BAZ1A: variants seen among roughly 807,000 people sequenced by gnomAD.
BAZ1A encodes the protein bromodomain adjacent to zinc finger domain protein 1A.
Under a neutral mutation model 185.2 loss-of-function variants are expected in BAZ1A, and 50 were observed. The ratio of observed to expected loss-of-function variants is 0.27; its 90% confidence interval spans 0.22 to 0.34. The LOEUF is 0.34. Ranked by LOEUF, BAZ1A falls within the 10% of genes least tolerant of loss-of-function variation. The pLI, the probability that BAZ1A is intolerant of heterozygous loss-of-function variation, is 1.00. For missense variants in BAZ1A, 1,356 were observed against 1,839.9 expected, an observed-to-expected ratio of 0.74 and a Z score of 4.81; for synonymous variants, 571 against 615.6, an observed-to-expected ratio of 0.93 and a Z score of 1.07.
At chr14:34,795,483 A>G (rs1246408452) in intron 10 of BAZ1A, among the ~76,000 whole-genome samples, 187 bp downstream of exon 10, 1 of 152,228 alleles carries the variant, frequency 6.6e-6, no homozygotes, top group Non-Finnish European at 1.5e-5. Context: ...TCATTATCAA[A>G]GCTGATTATA....
intron 3 of BAZ1A, among the ~76,000 whole-genome samples, chr14:34,858,317 G>A (rs536751141): frequency 6.6e-6 from 1 of 152,178 alleles, no homozygotes; most frequent in East Asian, 1.9e-4. Context: ...GAGTGCAGTG[G>A]CGTGATCTCG....
chr14:34,840,796 CAAAA>C (rs1270123849), intron 3 of BAZ1A, among the ~76,000 whole-genome samples: 1 of 132,658 alleles, frequency 7.5e-6, no homozygotes, highest in Non-Finnish European at 1.7e-5. Context: ...AACAAACAAA[CAAAA>C]AACTTATACT....
At chr14:34,761,730 G>A (rs866692715) in intron 24 of BAZ1A, 27 bp downstream of exon 24, 2 of 1,543,856 alleles carry the variant, frequency 1.3e-6, no homozygotes, top group Admixed American at 1.9e-5. Flanking sequence ...TTTTCCTAGG[G>A]AAGGAAGAGT....
At chr14:34,759,991 A>G (rs1886453285) in intron 24 of BAZ1A, among the ~76,000 whole-genome samples, 1 of 152,052 alleles carries the variant, frequency 6.6e-6, no homozygotes. Context: ...CTTAATTTTA[A>G]TATCTAGATA....
chr14:34,809,672 A>C (rs1377026182), intron 5 of BAZ1A, among the ~76,000 whole-genome samples: 2 of 152,172 alleles, frequency 1.3e-5, no homozygotes, highest in Non-Finnish European at 2.9e-5. Flanking sequence ...TCTTTGGCTT[A>C]CCAATTAGGA....
chr14:34,818,110 G>A (rs957305669), intron 4 of BAZ1A, among the ~76,000 whole-genome samples: 2 of 152,124 alleles, frequency 1.3e-5, no homozygotes, highest in Admixed American at 1.3e-4. Flanking sequence ...ATAGATGAAT[G>A]GATAAACAAA....
At chr14:34,854,254 C>T (rs2138797902) in intron 3 of BAZ1A, among the ~76,000 whole-genome samples, 1 of 151,996 alleles carries the variant, frequency 6.6e-6, no homozygotes, top group South Asian at 2.1e-4. Context: ...TGGCAACTCC[C>T]TGTCTAAAAA....
chr14:34,771,464 A>G, intron 21 of BAZ1A, 47 bp downstream of exon 21: 2 of 1,544,786 alleles, frequency 1.3e-6, no homozygotes, highest in Non-Finnish European at 1.7e-6. Flanking sequence ...CCAACTCAAA[A>G]TTACTTATAA....
chr14:34,773,805 TA>T, intron 19 of BAZ1A, 79 bp from the exon 20 acceptor site: 1 of 1,296,776 alleles, frequency 7.7e-7, no homozygotes, highest in Non-Finnish European at 1.1e-6. Context: ...AATATGCATA[TA>T]AAATCAATTC....
At chr14:34,837,822 T>C (rs1348242372) in intron 3 of BAZ1A, among the ~76,000 whole-genome samples, 6 of 152,300 alleles carry the variant, frequency 3.9e-5, no homozygotes, top group Admixed American at 2.0e-4. Context: ...GACACAAACA[T>C]GTAAGATAGT....
At chr14:34,873,963 C>T (rs2042996533) in intron 2 of BAZ1A, among the ~76,000 whole-genome samples, 1 of 152,154 alleles carries the variant, frequency 6.6e-6, no homozygotes, top group Non-Finnish European at 1.5e-5. Context: ...CTCTCCCCTA[C>T]CCCAGGCAGC....
chr14:34,766,140 T>C (rs1291635257), intron 21 of BAZ1A, among the ~76,000 whole-genome samples: 1 of 152,162 alleles, frequency 6.6e-6, no homozygotes, highest in African/African-American at 2.4e-5. Flanking sequence ...TGTCTCTCAG[T>C]TTCCTCAACT....
At chr14:34,832,191 T>TACACACACACACACAC (rs57379319) in intron 3 of BAZ1A, among the ~76,000 whole-genome samples, 94 of 96,550 alleles carry the variant, frequency 9.7e-4, no homozygotes, top group Admixed American at 1.8e-3. Flanking sequence ...TATATACATA[T>TACACACACACACACAC]ACACACACAC....
chr14:34,843,307 C>A (rs1013321262), intron 3 of BAZ1A, among the ~76,000 whole-genome samples: 3 of 152,220 alleles, frequency 2.0e-5, no homozygotes, highest in African/African-American at 7.2e-5. Flanking sequence ...CATGTGACTT[C>A]CTTTGGCCAG....
Position 34,758,226 on chromosome 14 carries a change from G to A in BAZ1A, c.4386+478C>T, listed in dbSNP as rs148903449. The stretch of plus-strand genomic sequence containing the variant: ...GAGCTCAGGAGGTTGAGGCTGCAGC[G>A]AACCAAAATATGCCACTGCACTCCG... On this transcript the variant is annotated intron_variant, in intron 25 of 26. Coordinates refer to ENST00000360310, the MANE Select transcript of BAZ1A (RefSeq NM_013448.3). Among the ~76,000 whole-genome samples the A allele has an allele frequency of 1.3e-3, 198 of 151,628 alleles. 2 individuals are homozygous for A. Among genetic ancestry groups the A allele is most frequent in the African/African-American group, 4.3e-3 (176 of 41,310 alleles).
At chr14:34,806,482 T>G (rs1881862325) in intron 6 of BAZ1A, among the ~76,000 whole-genome samples, 1 of 152,158 alleles carries the variant, frequency 6.6e-6, no homozygotes, top group Admixed American at 6.6e-5. Context: ...CAGGCTCAAG[T>G]GATCCTCCCA....
chr14:34,757,742 CTTTT>C, intron 25 of BAZ1A, among the ~76,000 whole-genome samples: 1 of 126,350 alleles, frequency 7.9e-6, no homozygotes, highest in African/African-American at 2.7e-5. Context: ...CTATTGTTTT[CTTTT>C]TTTTTTTTTT....
At chr14:34,777,808 A>G (rs568682953) in intron 17 of BAZ1A, among the ~76,000 whole-genome samples, 2 of 151,932 alleles carry the variant, frequency 1.3e-5, no homozygotes, top group East Asian at 3.9e-4. Flanking sequence ...CCTGGCCAAC[A>G]TGGCAAAACC....
intron 25 of BAZ1A, among the ~76,000 whole-genome samples, chr14:34,755,986 AT>A (rs1181404075): frequency 8.0e-5 from 11 of 137,074 alleles, no homozygotes; most frequent in Non-Finnish European, 1.7e-4. Flanking sequence ...ACACTCGGCT[AT>A]TTTTTTTCTT....
Sources: gnomAD v4.1 joint callset for allele counts (sites outside exome capture counted in the v4.1 genomes callset) on GRCh38, gnomAD v4.1.1 for gene constraint, MANE v1.5 for transcripts, NCBI Gene and HGNC (gene_info 2026-07-23, HGNC 2026-07-21) for gene names.